DST: variants seen among roughly 807,000 people sequenced by gnomAD.
The protein encoded by DST is bullous pemphigoid antigen.
In DST, 253 loss-of-function variants were observed where a neutral mutation model predicts 875.2. That is an observed-to-expected ratio of 0.29 (90% CI 0.26 to 0.32). DST has a LOEUF of 0.32. Among genes scored for constraint, DST ranks in the 10% least tolerant of loss-of-function variants. The pLI is 1.00. For missense variants in DST, 8,287 were observed against 9,111.6 expected, an observed-to-expected ratio of 0.91 and a Z score of 3.68; for synonymous variants, 3,124 against 3,197.1, an observed-to-expected ratio of 0.98 and a Z score of 0.77.
At chr6:56,577,361 G>A (rs1040979756) in intron 50 of DST, among the ~76,000 whole-genome samples, 2 of 152,146 alleles carry the variant, frequency 1.3e-5, no homozygotes, top group Non-Finnish European at 2.9e-5. Flanking sequence ...ATGAGATGCT[G>A]CATTGGGACA....
At chr6:56,739,304 C>T (rs1278925553) in intron 4 of DST, among the ~76,000 whole-genome samples, 2 of 151,970 alleles carry the variant, frequency 1.3e-5, no homozygotes, top group Non-Finnish European at 2.9e-5. Flanking sequence ...GTCTTTCGGC[C>T]TTGCTATTCC....
rs145869319 is a variant in DST, at chr6:56,928,350, C to T, written c.216+25435G>A. 6.0e-4 allele frequency among the ~76,000 whole-genome samples: 92 copies of T among 152,210 alleles called. 1 individual carries two copies. The East Asian group carries it at 0.017, about 28-fold the overall frequency. ...CCCCCTCCAGTGCCCCCTATTGACGCAGCCCACTGTGCTATCAAAGGAGTC... is the reference window on the plus strand; with the variant it reads ...CCCCCTCCAGTGCCCCCTATTGACGTAGCCCACTGTGCTATCAAAGGAGTC... On this transcript the variant is annotated intron_variant, in intron 2 of 103. Transcript: ENST00000680361.
At chr6:56,645,572 T>G (rs1472231284) in intron 15 of DST, among the ~76,000 whole-genome samples, 1 of 152,214 alleles carries the variant, frequency 6.6e-6, no homozygotes, top group African/African-American at 2.4e-5. Context: ...CCCTGGTGAC[T>G]TAAGGTCAAT....
chr6:56,480,983 T>C lies in DST; in HGVS notation c.21531+1067A>G, dbSNP rs561188975. 1.3e-4 allele frequency among the ~76,000 whole-genome samples: 20 copies of C among 152,346 alleles called. No individual in the cohort carries two copies. In the East Asian group the frequency reaches 3.7e-3, roughly 28 times the overall value. On this transcript the variant is annotated intron_variant, in intron 90 of 103. Transcript: ENST00000680361. The stretch of plus-strand genomic sequence containing the variant: ...AACTGACTCAAAAATTTATAATACA[T>C]TTGATGTAACTGTCTTCTTCTTATA...
chr6:56,748,702 T>C (rs1589589716), intron 4 of DST, among the ~76,000 whole-genome samples: 2 of 152,202 alleles, frequency 1.3e-5, no homozygotes, highest in Admixed American at 1.3e-4. Flanking sequence ...TCTTATTGAT[T>C]TTTTAAAAAT....
chr6:56,473,750 T>C lies in DST; in HGVS notation c.21994+123A>G. On this transcript the variant is annotated intron_variant, in intron 93 of 103. Coordinates refer to ENST00000680361, the MANE Select transcript of DST (RefSeq NM_001374736.1). ...GAGCACACGTATTCCTTCTAGAAAG[T>C]ATTTCATGATATCAAGTGCTCATGT... The C allele has an allele frequency of 1.1e-5, 10 of 879,846 alleles. No homozygotes were observed. In the South Asian group the frequency reaches 1.6e-4, roughly 14 times the overall value. The allele number at this position is 879,846 out of a possible 1,614,324, so 54.5% of individuals were successfully genotyped here. A position where few individuals can be genotyped will look rare whatever the true frequency, so the allele number is the denominator to read the frequency against.
At chr6:56,613,159 T>C (rs997717327) in intron 37 of DST, among the ~76,000 whole-genome samples, 5 of 152,240 alleles carry the variant, frequency 3.3e-5, no homozygotes, top group Non-Finnish European at 5.9e-5. Flanking sequence ...TTTAGTTGTC[T>C]TCCTATTTAA....
intron 2 of DST, among the ~76,000 whole-genome samples, chr6:56,936,653 T>C (rs954338204): frequency 4.4e-4 from 67 of 152,108 alleles, no homozygotes; most frequent in African/African-American, 1.6e-3. Context: ...CCTTCCTGGA[T>C]GCAAGTGCGG....
chr6:56,749,726 A>G (rs2099582051), intron 4 of DST, among the ~76,000 whole-genome samples: 1 of 152,240 alleles, frequency 6.6e-6, no homozygotes, highest in Non-Finnish European at 1.5e-5. Flanking sequence ...TTTCATTCCT[A>G]TAATAGAACA....
chr6:56,729,013 C>CACAT (rs1393278812), intron 5 of DST, among the ~76,000 whole-genome samples: 36 of 149,568 alleles, frequency 2.4e-4, no homozygotes, highest in Non-Finnish European at 4.1e-4. Context: ...CACACACACA[C>CACAT]GACTGGGGAA....
intron 102 of DST, 66 bp from the exon 103 acceptor site, chr6:56,460,320 C>A: frequency 1.3e-6 from 2 of 1,561,956 alleles, no homozygotes; most frequent in Non-Finnish European, 1.8e-6. Flanking sequence ...CCACTGACAC[C>A]ACTTCTTTAC....
At chr6:56,822,054 T>C (rs1455474076) in intron 4 of DST, among the ~76,000 whole-genome samples, 7 of 152,206 alleles carry the variant, frequency 4.6e-5, no homozygotes. Flanking sequence ...CTATAGTCTA[T>C]CTAATTCTAA....
intron 4 of DST, among the ~76,000 whole-genome samples, chr6:56,774,783 G>A (rs201970348): frequency 1.3e-5 from 2 of 151,880 alleles, no homozygotes; most frequent in East Asian, 1.9e-4. Flanking sequence ...ACCTGAGGTC[G>A]GGAGTTCAAG....
At chr6:56,509,592 T>A in intron 74 of DST, 50 bp downstream of exon 74, 1 of 1,422,124 alleles carries the variant, frequency 7.0e-7, no homozygotes, top group Non-Finnish European at 9.8e-7. Context: ...GTAAACCGCA[T>A]AAACATTTAG....
chr6:56,719,189 T>C (rs574387276), intron 5 of DST, among the ~76,000 whole-genome samples: 15 of 152,338 alleles, frequency 9.8e-5, no homozygotes, highest in Middle Eastern at 3.4e-3. Context: ...TCCCAGAATG[T>C]AAGACAGAAT....
chr6:56,556,640 T>A (rs1046410716), intron 59 of DST, among the ~76,000 whole-genome samples: 2 of 152,234 alleles, frequency 1.3e-5, no homozygotes, highest in Admixed American at 1.3e-4. Flanking sequence ...ACAGCCTCCC[T>A]GCTCTAAAGC....
At chr6:56,892,219 C>G (rs538129259) in intron 3 of DST, among the ~76,000 whole-genome samples, 1 of 151,928 alleles carries the variant, frequency 6.6e-6, no homozygotes, top group South Asian at 2.1e-4. Flanking sequence ...CCAGCTTTAT[C>G]TTGTATTTCT....
intron 4 of DST, among the ~76,000 whole-genome samples, chr6:56,777,272 G>C (rs1447677879): frequency 1.3e-5 from 2 of 152,104 alleles, no homozygotes; most frequent in Admixed American, 1.3e-4. Flanking sequence ...AAATAGATAA[G>C]AAGTAAGAGA....
At chr6:56,805,136 T>C (rs2153027381) in intron 4 of DST, among the ~76,000 whole-genome samples, 1 of 152,232 alleles carries the variant, frequency 6.6e-6, no homozygotes, top group African/African-American at 2.4e-5. Context: ...TGATAAATAA[T>C]TCATAAATCA....
Sources: gnomAD v4.1 joint callset for allele counts (sites outside exome capture counted in the v4.1 genomes callset) on GRCh38, gnomAD v4.1.1 for gene constraint, MANE v1.5 for transcripts, NCBI Gene and HGNC (gene_info 2026-07-23, HGNC 2026-07-21) for gene names.